ELP3: variants seen among roughly 807,000 people sequenced by gnomAD.
ELP3 encodes the protein elongator complex protein 3.
ELP3 carries 56 observed loss-of-function variants against 74.9 expected under a neutral mutation model. The ratio of observed to expected loss-of-function variants is 0.75; its 90% CI spans 0.60 to 0.93. ELP3 has a LOEUF of 0.93. Ranked by LOEUF, ELP3 falls within the 40% of genes least tolerant of loss-of-function variation. The probability of loss-of-function intolerance (pLI) is 0.00; values close to 1 mark genes in which losing one functional copy is unlikely to be tolerated. For missense variants in ELP3, 573 were observed against 686.5 expected (o/e 0.83, Z 1.85); for synonymous variants, 222 against 239.8 (o/e 0.93, Z 0.68).
At position 28,147,003 on chromosome 8, in the gene ELP3, T is replaced by C. The variant is rs939522631; in HGVS notation, c.1101-8939T>C. Among the ~76,000 whole-genome samples the C allele has an allele frequency of 6.6e-6, 1 of 152,200 alleles. No homozygotes were observed. Among genetic ancestry groups the C allele is most frequent in the African/African-American group, 2.4e-5 (1 of 41,440 alleles). ...AGGATATGTGACCCATGCAGTCTCATAGGGTCTTGCACTTGGCTTAATATT... is the reference window on the plus strand; with the variant it reads ...AGGATATGTGACCCATGCAGTCTCACAGGGTCTTGCACTTGGCTTAATATT... On this transcript the variant is annotated intron_variant, in intron 10 of 14. Coordinates refer to ENST00000256398, the MANE Select transcript of ELP3 (RefSeq NM_018091.6). This position sits in a 1 kb window ranked among gnomAD's most constrained non-coding sequence, Gnocchi z 4.5.
At chr8:28,130,992 G>A (rs1484933853) in intron 8 of ELP3, among the ~76,000 whole-genome samples, 1 of 152,226 alleles carries the variant, frequency 6.6e-6, no homozygotes, top group African/African-American at 2.4e-5. Context: ...GCTACAATGT[G>A]ATGGAGCATA....
intron 7 of ELP3, among the ~76,000 whole-genome samples, chr8:28,119,649 A>G (rs1027673924): frequency 1.6e-5 from 2 of 126,530 alleles, no homozygotes; most frequent in African/African-American, 2.9e-5. Context: ...TATTAAGTAT[A>G]CCATTTGATT....
chr8:28,179,213 G>C (rs933566775), intron 14 of ELP3, among the ~76,000 whole-genome samples: 1 of 152,180 alleles, frequency 6.6e-6, no homozygotes, highest in African/African-American at 2.4e-5. Context: ...TATAACAAGG[G>C]CAACTGTATA....
chr8:28,123,209 G>T (rs4732627), intron 7 of ELP3, among the ~76,000 whole-genome samples: 89,432 of 152,092 alleles, frequency 0.59, 28,259 homozygotes, highest in East Asian at 0.92. Flanking sequence ...TTTTGATATG[G>T]TGTATTTTAA....
chr8:28,128,403 G>A (rs1223720794), intron 7 of ELP3, among the ~76,000 whole-genome samples: 1 of 152,148 alleles, frequency 6.6e-6, no homozygotes, highest in African/African-American at 2.4e-5. Flanking sequence ...TTGAACCCAG[G>A]AGGTAGAGGT....
chr8:28,090,584 C>T (rs953986872), upstream of ELP3, among the ~76,000 whole-genome samples: 1 of 151,526 alleles, frequency 6.6e-6, no homozygotes, highest in Non-Finnish European at 1.5e-5. Context: ...TTGCCATTTA[C>T]ATGGGATAAA....
chr8:28,172,498 T>C lies in ELP3; in HGVS notation c.1567+10420T>C, dbSNP rs571625422. On this transcript the variant is annotated intron_variant, in intron 14 of 14. Transcript: ENST00000256398. The stretch of plus-strand genomic sequence containing the variant: ...TTTTTCTTCCATATTGATTTTGTAT[T>C]ATGCAACTTTGCTAGATTTGTTTAT... Among the ~76,000 whole-genome samples the C allele has an allele frequency of 6.7e-4, 102 of 152,242 alleles. 3 individuals are homozygous for C. In the South Asian group the frequency reaches 0.02, roughly 31 times the overall value.
chr8:28,095,406 C>T (rs145668462), intron 1 of ELP3, among the ~76,000 whole-genome samples: 41 of 152,244 alleles, frequency 2.7e-4, no homozygotes, highest in African/African-American at 9.9e-4. Flanking sequence ...ATAAAGAGAC[C>T]TCCTCCTTTT....
At position 28,162,852 on chromosome 8, in the gene ELP3, GC is replaced by G. The variant is rs746870166; in HGVS notation, c.1567+778del. 9.5e-4 allele frequency among the ~76,000 whole-genome samples: 144 copies of G among 152,192 alleles called. 1 individual carries two copies. The highest frequency in any genetic ancestry group is 1.5e-3 in the Admixed American group (23 of 15,278). The stretch of plus-strand genomic sequence containing the variant: ...CCTGTTCATTTAGATCCCTCAAGGT[GC>G]CCCTCTGCCTTCAGAGATGAAGATG... On this transcript the variant is annotated intron_variant, in intron 14 of 14. Coordinates refer to ENST00000256398, the MANE Select transcript of ELP3 (RefSeq NM_018091.6).
At chr8:28,128,075 A>G (rs929704566) in intron 7 of ELP3, among the ~76,000 whole-genome samples, 5 of 152,224 alleles carry the variant, frequency 3.3e-5, no homozygotes, top group East Asian at 1.9e-4. Context: ...TTCAGAAAGA[A>G]GGAAAATAAA....
intron 14 of ELP3, among the ~76,000 whole-genome samples, chr8:28,185,742 G>A (rs1815215129): frequency 6.6e-6 from 1 of 152,158 alleles, no homozygotes; most frequent in Non-Finnish European, 1.5e-5. Context: ...TGGTGATGCT[G>A]GGCTGGTTTG....
intron 9 of ELP3, among the ~76,000 whole-genome samples, chr8:28,136,082 C>T (rs1812979304): frequency 1.3e-5 from 2 of 151,958 alleles, no homozygotes; most frequent in African/African-American, 4.8e-5. Flanking sequence ...GTGCCTCAGC[C>T]TCCTCAATAG....
intron 7 of ELP3, among the ~76,000 whole-genome samples, chr8:28,125,960 C>G (rs1812560123): frequency 6.6e-6 from 1 of 152,086 alleles, no homozygotes. Context: ...GAAGAGAGAC[C>G]TCCTATGTTC....
chr8:28,099,716 G>T (rs1316969933), intron 2 of ELP3, 112 bp from the exon 3 acceptor site: 30 of 1,177,318 alleles, frequency 2.5e-5, no homozygotes, highest in Non-Finnish European at 3.6e-5. Context: ...TTGTCACGTG[G>T]TGAAGGGATT....
In ELP3 at chr8:28,147,823, A is replaced by G. The variant is rs1338217052; in HGVS notation, c.1101-8119A>G. Among the ~76,000 whole-genome samples the G allele has an allele frequency of 6.6e-6, 1 of 152,202 alleles. No individual in the cohort carries two copies. The highest frequency in any genetic ancestry group is 1.5e-5 in the Non-Finnish European group (1 of 68,038). On this transcript the variant is annotated intron_variant, in intron 10 of 14. Coordinates refer to ENST00000256398, the MANE Select transcript of ELP3 (RefSeq NM_018091.6). The surrounding 1 kb of genome is among the most constrained non-coding windows in gnomAD (Gnocchi z 4.5). Reference sequence around the variant, plus strand: ...ATTTCCAGGGCTGGGCAGCAAACATACAGGATGAACACAGAACATCTTGTC... The same window carrying G: ...ATTTCCAGGGCTGGGCAGCAAACATGCAGGATGAACACAGAACATCTTGTC...
upstream of ELP3, among the ~76,000 whole-genome samples, chr8:28,092,399 T>C (rs1811077525): frequency 6.6e-6 from 1 of 152,132 alleles, no homozygotes; most frequent in Non-Finnish European, 1.5e-5. Context: ...TGGCTAATTT[T>C]TGTATTTTTA....
chr8:28,144,135 T>C (rs1813344473), intron 10 of ELP3, among the ~76,000 whole-genome samples: 1 of 152,204 alleles, frequency 6.6e-6, no homozygotes, highest in Non-Finnish European at 1.5e-5. Flanking sequence ...ATTGTCTTTT[T>C]ATTGAGAAAG....
intron 7 of ELP3, 88 bp downstream of exon 7, chr8:28,113,261 C>A: frequency 2.2e-6 from 2 of 920,990 alleles, no homozygotes; most frequent in Non-Finnish European, 3.1e-6. Context: ...TTCTGCCCTG[C>A]ATCCACATTC....
At chr8:28,158,461 G>T in intron 11 of ELP3, 107 bp from the exon 12 acceptor site, 3 of 788,810 alleles carry the variant, frequency 3.8e-6, no homozygotes, top group East Asian at 2.6e-5. Flanking sequence ...TTGAGCCCAG[G>T]GTTTGGTGGA....
Sources: gnomAD v4.1 joint callset for allele counts (sites outside exome capture counted in the v4.1 genomes callset) on GRCh38, gnomAD v4.1.1 for gene constraint, Gnocchi (gnomAD v3.1) non-coding constraint, MANE v1.5 for transcripts, NCBI Gene and HGNC (gene_info 2026-07-23, HGNC 2026-07-21) for gene names.